TACC2: variants seen among roughly 807,000 people sequenced by gnomAD.
TACC2 encodes the protein transforming acidic coiled-coil containing protein 2.
Under a neutral mutation model 227.3 loss-of-function variants are expected in TACC2, and 137 were observed. The observed-to-expected ratio is 0.60, with a 90% CI of 0.52 to 0.69. The LOEUF (loss-of-function observed/expected upper bound fraction) is 0.69. Ranked by LOEUF, TACC2 falls within the 30% of genes least tolerant of loss-of-function variation. The pLI is 0.00. For missense variants in TACC2, 3,470 were observed against 3,694.4 expected (o/e 0.94, Z 1.57); for synonymous variants, 1,523 against 1,487.5 (o/e 1.02, Z -0.55).
chr10:122,080,238 G>T (rs4752641), intron 3 of TACC2, among the ~76,000 whole-genome samples: 140,577 of 143,312 alleles, frequency 0.98, 68,954 homozygotes, highest in East Asian at 1. Flanking sequence ...TTTTTTTTGT[G>T]TTTTTTTGTT....
In TACC2 at chr10:122,097,942, C is replaced by T. The variant is rs369451229; in HGVS notation, c.5573+9351C>T. Among the ~76,000 whole-genome samples the T allele has an allele frequency of 3.3e-5, 5 of 152,180 alleles. No individual in the cohort carries two copies. In the East Asian group the frequency reaches 5.8e-4, roughly 18 times the overall value. On this transcript the variant is annotated intron_variant, in intron 5 of 22. Coordinates refer to ENST00000369005, the MANE Select transcript of TACC2 (RefSeq NM_206862.4). ...AAGCCAGGCACTTGGAAGGAGAAGCCGAGGGCTCTCTCACCGGGGAAGAGC... is the reference window on the plus strand; with the variant it reads ...AAGCCAGGCACTTGGAAGGAGAAGCTGAGGGCTCTCTCACCGGGGAAGAGC...
intron 5 of TACC2, among the ~76,000 whole-genome samples, chr10:122,099,314 T>G (rs2081875854): frequency 6.6e-6 from 1 of 152,166 alleles, no homozygotes. Flanking sequence ...GAGCCTGGGC[T>G]TAAGTCTCAA....
intron 3 of TACC2, among the ~76,000 whole-genome samples, chr10:122,057,833 A>G (rs777116444): frequency 6.6e-6 from 1 of 152,124 alleles, no homozygotes; most frequent in East Asian, 1.9e-4. Flanking sequence ...TCTCAAAAAA[A>G]CAAAAACAAA....
At chr10:122,166,154 A>G (rs1020708087) in intron 7 of TACC2, among the ~76,000 whole-genome samples, 3 of 152,126 alleles carry the variant, frequency 2.0e-5, no homozygotes, top group Non-Finnish European at 4.4e-5. Context: ...GCCGCGGGGG[A>G]CAGCTCCTGA....
At chr10:122,038,790 G>C (rs916919009) in intron 2 of TACC2, among the ~76,000 whole-genome samples, 12 of 152,098 alleles carry the variant, frequency 7.9e-5, no homozygotes, top group African/African-American at 2.9e-4. Flanking sequence ...AGGAACATGA[G>C]AAAAGAAGGA....
At position 122,085,686 on chromosome 10, in the gene TACC2, C is replaced by T. The variant is rs1253813524; in HGVS notation, c.3186C>T (p.Ala1062=). The T allele has an allele frequency of 1.2e-6, 2 of 1,613,732 alleles. No homozygotes were observed. The highest frequency in any genetic ancestry group is 1.3e-5 in the African/African-American group (1 of 75,038). ...ALLDAVPCLP[A]LAPASPGVTP... is the part of the protein sequence containing the mutation. ...TGGATGCAGTTCCCTGCCTGCCAGC[C>T]CTGGCGCCCGCCAGCCCCGGAGTCA... The change falls in exon 4 of 23, where the codon GCC becomes GCT. Residue 1062 remains alanine (A), a synonymous_variant. Coordinates refer to ENST00000369005, the MANE Select transcript of TACC2 (RefSeq NM_206862.4).
In TACC2 at chr10:122,206,681, G is replaced by A. The variant is rs184867280; in HGVS notation, c.5972-3716G>A. ...AAGCTCATGTAACTGGGATACCCTA[G>A]TGACCCTTTTCATCTGATGAACTGC... On this transcript the variant is annotated intron_variant, in intron 8 of 22. Transcript: ENST00000369005. 2.3e-4 allele frequency among the ~76,000 whole-genome samples: 35 copies of A among 152,342 alleles called. 1 individual carries two copies. Among genetic ancestry groups the A allele is most frequent in the Admixed American group, 1.8e-3 (28 of 15,308 alleles).
intron 5 of TACC2, among the ~76,000 whole-genome samples, chr10:122,129,063 TA>T (rs2087498994): frequency 1.0e-5 from 1 of 99,976 alleles, no homozygotes; most frequent in African/African-American, 6.8e-5. Flanking sequence ...TTATTTTAAT[TA>T]TTATTATTAT....
Position 122,210,260 on chromosome 10 carries a change from C to T in TACC2, c.5972-137C>T. The T allele has an allele frequency of 2.8e-6, 2 of 709,424 alleles. No homozygotes were observed. Among genetic ancestry groups the T allele is most frequent in the South Asian group, 1.7e-5 (1 of 57,412 alleles). The allele number at this position is 709,424 out of a possible 1,614,324, so 43.9% of individuals were successfully genotyped here. ...GGTCAGGTTCTGTACCCAAGTAGTA[C>T]ACACAGTGATGGGCGGGGTGGCCTG... On this transcript the variant is annotated intron_variant, in intron 8 of 22. Transcript: ENST00000369005. This position sits in a 1 kb window ranked among gnomAD's most constrained non-coding sequence, Gnocchi z 4.6.
chr10:122,244,885 A>T (rs1469640548), intron 19 of TACC2, among the ~76,000 whole-genome samples: 2 of 152,188 alleles, frequency 1.3e-5, no homozygotes, highest in African/African-American at 2.4e-5. Flanking sequence ...TACTGGAGAG[A>T]TATGTTTTGT....
rs1419489454 is a variant in TACC2, at chr10:122,132,627, TATC to T, written c.5596_5598del (p.Ile1866del). The stretch of plus-strand genomic sequence containing the variant: ...TCCCCAGTTCACCTGTGGCAGATGA[TATC>T]ATCCAGCCCGCTGCCCCCGCAGACC... On this transcript the variant is annotated inframe_deletion, in exon 6 of 23. Transcript: ENST00000369005. The T allele has an allele frequency of 1.6e-5, 26 of 1,614,074 alleles. No individual in the cohort carries two copies. The highest frequency in any genetic ancestry group is 2.2e-5 in the Non-Finnish European group (26 of 1,180,044).
rs551527707 is a variant in TACC2 at position 122,050,291 on chromosome 10, C to T, written c.34-147C>T. On this transcript the variant is annotated intron_variant, in intron 2 of 22. Transcript: ENST00000369005. The surrounding 1 kb of genome is among the most constrained non-coding windows in gnomAD (Gnocchi z 4.6). ...ATATCCTCAAGGCCTAGCTCAGTGCCGCACATAGTAGGTGTTTCGTTGGAC... is the reference window on the plus strand; with the variant it reads ...ATATCCTCAAGGCCTAGCTCAGTGCTGCACATAGTAGGTGTTTCGTTGGAC... 8.2e-5 allele frequency: 54 copies of T among 655,058 alleles called. 2 individuals are homozygous for T. Among genetic ancestry groups the T allele is most frequent in the South Asian group, 6.8e-4 (36 of 53,006 alleles). 40.6% of individuals were successfully genotyped at this position (655,058 alleles called of 1,614,324 possible).
At chr10:122,147,619 T>G (rs976465388) in intron 7 of TACC2, among the ~76,000 whole-genome samples, 5 of 152,244 alleles carry the variant, frequency 3.3e-5, no homozygotes, top group African/African-American at 1.2e-4. Context: ...TATTAATTGA[T>G]TCAATCATGT....
At chr10:122,070,616 G>A (rs146885948) in intron 3 of TACC2, among the ~76,000 whole-genome samples, 14,626 of 152,116 alleles carry the variant, frequency 0.096, 925 homozygotes, top group Middle Eastern at 0.17. Context: ...AGCTGGGCGT[G>A]TTGGCACATG....
In TACC2 at chr10:122,062,483, T is replaced by C. The variant is rs867233866; in HGVS notation, c.146+11933T>C. 7.6e-3 allele frequency among the ~76,000 whole-genome samples: 1,151 copies of C among 151,952 alleles called. 17 individuals carry two copies. Among genetic ancestry groups the C allele is most frequent in the African/African-American group, 0.026 (1,087 of 41,434 alleles). On this transcript the variant is annotated intron_variant, in intron 3 of 22. Coordinates refer to ENST00000369005, the MANE Select transcript of TACC2 (RefSeq NM_206862.4). The stretch of plus-strand genomic sequence containing the variant: ...CACGTCCGGCTAATTTTGAATTTTT[T>C]TTTTTTTTTTAGTAGAGACAGGGTT...
At chr10:122,232,450 C>T (rs543694039) in intron 16 of TACC2, among the ~76,000 whole-genome samples, 1 of 152,278 alleles carries the variant, frequency 6.6e-6, no homozygotes, top group African/African-American at 2.4e-5. Flanking sequence ...TTGTCAATTA[C>T]AGGCTGTTCT....
At chr10:122,121,504 C>T (rs2085790964) in intron 5 of TACC2, among the ~76,000 whole-genome samples, 1 of 152,196 alleles carries the variant, frequency 6.6e-6, no homozygotes, top group Admixed American at 6.5e-5. Context: ...CCCTATCCTA[C>T]CTCTCCAGGG....
intron 7 of TACC2, among the ~76,000 whole-genome samples, chr10:122,169,888 A>G (rs1239129769): frequency 2.0e-5 from 3 of 151,888 alleles, no homozygotes; most frequent in Non-Finnish European, 4.4e-5. Context: ...GTAGCTGGGA[A>G]TACGGGTGCA....
intron 2 of TACC2, among the ~76,000 whole-genome samples, chr10:122,029,183 G>C (rs1565109884): frequency 6.6e-6 from 1 of 151,658 alleles, no homozygotes; most frequent in East Asian, 1.9e-4. Context: ...TAAACATAAT[G>C]CTTGTAATCA....
Sources: allele counts gnomAD v4.1 joint callset (sites outside exome capture counted in the v4.1 genomes callset), GRCh38; gene constraint gnomAD v4.1.1; non-coding constraint Gnocchi (gnomAD v3.1); transcripts MANE v1.5; gene names NCBI Gene and HGNC (gene_info 2026-07-23, HGNC 2026-07-21).